The following SORT1 variants were observed in gnomAD, a reference collection of about 807,000 sequenced individuals.
SORT1 encodes the protein sortilin 1.
Under a neutral mutation model 101.7 loss-of-function variants are expected in SORT1, and 39 were observed. The observed-to-expected ratio is 0.38, with a 90% CI of 0.30 to 0.50. The LOEUF (loss-of-function observed/expected upper bound fraction) is 0.50, where lower values mean the gene tolerates loss of function less well. Ranked by LOEUF, SORT1 falls within the 20% of genes least tolerant of loss-of-function variation. The pLI is 0.90. For missense variants in SORT1, 878 were observed against 1,040.4 expected (o/e 0.84, Z 2.15); for synonymous variants, 396 against 393.7 (o/e 1.01, Z -0.07).
At chr1:109,317,038 G>A in intron 16 of SORT1, 80 bp from the exon 17 acceptor site, 1 of 939,726 alleles carries the variant, frequency 1.1e-6, no homozygotes, top group Non-Finnish European at 1.7e-6. Flanking sequence ...AACAAGATTT[G>A]AAAAGCTGCC....
At position 109,364,164 on chromosome 1, in the gene SORT1, G is replaced by A. The variant is rs550014250; in HGVS notation, c.440+3244C>T. Reference sequence around the variant, plus strand: ...TACTATATCAGAAACAAATAGAATTGCACTCTAGTAAAGTATGTCAGGAAA... The same window carrying A: ...TACTATATCAGAAACAAATAGAATTACACTCTAGTAAAGTATGTCAGGAAA... On this transcript the variant is annotated intron_variant, in intron 3 of 19. Coordinates refer to ENST00000256637, the MANE Select transcript of SORT1 (RefSeq NM_002959.7). Among the ~76,000 whole-genome samples the A allele has an allele frequency of 1.1e-3, 167 of 152,278 alleles. 1 individual carries two copies. The highest frequency in any genetic ancestry group is 3.9e-3 in the African/African-American group (161 of 41,562).
intron 1 of SORT1, among the ~76,000 whole-genome samples, chr1:109,383,336 T>C (rs1652378427): frequency 6.6e-6 from 1 of 152,210 alleles, no homozygotes; most frequent in Admixed American, 6.5e-5. Flanking sequence ...TCTGCATGCC[T>C]ACCATGTGCT....
At position 109,314,869 on chromosome 1, in the gene SORT1, G is replaced by C. The variant is rs1046294736; in HGVS notation, c.2251-91C>G. The C allele has an allele frequency of 8.8e-6, 6 of 684,866 alleles. No homozygotes were observed. In the Middle Eastern group the frequency reaches 1.2e-3, roughly 141 times the overall value. 42.4% of individuals were successfully genotyped at this position (684,866 alleles called of 1,614,324 possible). Reference sequence around the variant, plus strand: ...AGCCACTCATTCCCCTCATCTCTTTGTGAATGATCTGCAGTCCTGATGCGC... The same window carrying C: ...AGCCACTCATTCCCCTCATCTCTTTCTGAATGATCTGCAGTCCTGATGCGC... On this transcript the variant is annotated intron_variant, in intron 17 of 19. Transcript: ENST00000256637.
intron 1 of SORT1, among the ~76,000 whole-genome samples, chr1:109,383,338 C>G (rs1652378542): frequency 6.6e-6 from 1 of 152,128 alleles, no homozygotes; most frequent in Admixed American, 6.6e-5. Flanking sequence ...TGCATGCCTA[C>G]CATGTGCTGT....
rs1223642061 is a variant in SORT1 at position 109,347,151 on chromosome 1, T to TGAAA, written c.832+331_832+332insTTTC. Among the ~76,000 whole-genome samples, 3 of 152,270 alleles carry TGAAA rather than the reference T, an allele frequency of 2.0e-5. No individual in the cohort carries two copies. In the East Asian group the frequency reaches 5.8e-4, roughly 29 times the overall value. On this transcript the variant is annotated intron_variant, in intron 7 of 19. Transcript: ENST00000256637. Reference sequence around the variant, plus strand: ...TTGTGTCAGAGTTTGGGAAGCCAGCTGCTTCTGCAAACACAAACACAACCC... The same window carrying TGAAA: ...TTGTGTCAGAGTTTGGGAAGCCAGCTGAAAGCTTCTGCAAACACAAACACAACCC...
chr1:109,392,969 G>A (rs1652999352), intron 1 of SORT1: 7 of 985,358 alleles, frequency 7.1e-6, no homozygotes, highest in Non-Finnish European at 7.2e-6. Flanking sequence ...GATGAAGAGA[G>A]GCCAAGTATT....
intron 11 of SORT1, among the ~76,000 whole-genome samples, chr1:109,330,836 C>T (rs1416240406): frequency 6.6e-6 from 1 of 151,966 alleles, no homozygotes; most frequent in Non-Finnish European, 1.5e-5. Flanking sequence ...CTATGAACAA[C>T]TATACATCAA....
intron 13 of SORT1, among the ~76,000 whole-genome samples, chr1:109,325,391 GCCA>G (rs1647935772): frequency 6.6e-6 from 1 of 151,808 alleles, no homozygotes; most frequent in Non-Finnish European, 1.5e-5. Context: ...ACAGGAACGT[GCCA>G]CCACACCAGC....
At chr1:109,323,998 G>A (rs1210923830) in intron 14 of SORT1, among the ~76,000 whole-genome samples, 12 of 152,192 alleles carry the variant, frequency 7.9e-5, no homozygotes, top group Non-Finnish European at 1.2e-4. Flanking sequence ...AAATCAACAC[G>A]CTGAGGAAAT....
rs1250597168 is a variant in SORT1 at position 109,311,100 on chromosome 1, T to A, written c.*2943A>T. ...CTCCAAAGGCTTTTATTCTTTGAAA[T>A]AGAGTTGCCATTGAATTAAAAGCCT... On this transcript the variant is annotated 3_prime_UTR_variant, in exon 20 of 20. Transcript: ENST00000256637. 6.6e-6 allele frequency: 1 copy of A among 152,184 alleles called. No individual in the cohort carries two copies. The highest frequency in any genetic ancestry group is 1.5e-5 in the Non-Finnish European group (1 of 68,038). 9.4% of individuals were successfully genotyped at this position (152,184 alleles called of 1,614,324 possible).
chr1:109,321,061 CGAGG>C (rs1466106432), intron 15 of SORT1, among the ~76,000 whole-genome samples: 1 of 152,092 alleles, frequency 6.6e-6, no homozygotes, highest in Non-Finnish European at 1.5e-5. Context: ...CTCTCTGTTG[CGAGG>C]TTAAATGTAA....
At chr1:109,327,662 A>T in intron 11 of SORT1, 61 bp from the exon 12 acceptor site, 1 of 1,133,022 alleles carries the variant, frequency 8.8e-7, no homozygotes. Flanking sequence ...TTCTTTAATC[A>T]TTTCACAAAA....
chr1:109,339,051 G>T lies in SORT1; in HGVS notation c.1264+1673C>A, dbSNP rs58360973. Among the ~76,000 whole-genome samples the T allele has an allele frequency of 3.2e-3, 491 of 152,094 alleles. 4 individuals carry two copies. The highest frequency in any genetic ancestry group is 0.011 in the African/African-American group (453 of 41,478). On this transcript the variant is annotated intron_variant, in intron 10 of 19. Coordinates refer to ENST00000256637, the MANE Select transcript of SORT1 (RefSeq NM_002959.7). ...CACCACCACGCCCAGCTAATTTTTTGTATTTTTAGTAGAGACGGGGTTTCG... is the reference window on the plus strand; with the variant it reads ...CACCACCACGCCCAGCTAATTTTTTTTATTTTTAGTAGAGACGGGGTTTCG...
At chr1:109,396,159 C>T (rs1653166745) in intron 1 of SORT1, among the ~76,000 whole-genome samples, 1 of 152,030 alleles carries the variant, frequency 6.6e-6, no homozygotes, top group Non-Finnish European at 1.5e-5. Flanking sequence ...ACTCAGGAGG[C>T]TGAGGTAAGA....
At chr1:109,380,747 C>T (rs1001870486) in intron 1 of SORT1, among the ~76,000 whole-genome samples, 2 of 124,568 alleles carry the variant, frequency 1.6e-5, no homozygotes, top group Admixed American at 2.1e-4. Context: ...GAGGCCAAGG[C>T]GGGAGGATCA....
At chr1:109,373,454 G>A (rs1234722323) in intron 1 of SORT1, among the ~76,000 whole-genome samples, 1 of 152,192 alleles carries the variant, frequency 6.6e-6, no homozygotes, top group African/African-American at 2.4e-5. Context: ...AACTACCTGA[G>A]GCCAGGGAAA....
At chr1:109,344,389 A>G (rs1262821535) in intron 8 of SORT1, among the ~76,000 whole-genome samples, 1 of 152,222 alleles carries the variant, frequency 6.6e-6, no homozygotes, top group Non-Finnish European at 1.5e-5. Flanking sequence ...TACAAAGGCC[A>G]CATAAGGTCT....
chr1:109,321,782 A>G (rs528482376), intron 15 of SORT1, among the ~76,000 whole-genome samples: 1 of 152,330 alleles, frequency 6.6e-6, no homozygotes, highest in East Asian at 1.9e-4. Flanking sequence ...ACAAGTTCCA[A>G]AAGATTATCA....
Position 109,355,238 on chromosome 1 carries a change from A to G in SORT1, c.543+129T>C, listed in dbSNP as rs1275518934. 4.7e-6 allele frequency: 3 copies of G among 635,528 alleles called. No individual in the cohort carries two copies. The African/African-American group carries it at 5.6e-5, about 12-fold the overall frequency. The allele number at this position is 635,528 out of a possible 1,614,324, so 39.4% of individuals were successfully genotyped here. ...CCTTAAAAAATTGTGTTTAATTTTAAAATATAAATATAGCAATACTAAACT... is the reference window on the plus strand; with the variant it reads ...CCTTAAAAAATTGTGTTTAATTTTAGAATATAAATATAGCAATACTAAACT... On this transcript the variant is annotated intron_variant, in intron 4 of 19. Coordinates refer to ENST00000256637, the MANE Select transcript of SORT1 (RefSeq NM_002959.7).
Sources: gnomAD v4.1 joint callset for allele counts (sites outside exome capture counted in the v4.1 genomes callset) on GRCh38, gnomAD v4.1.1 for gene constraint, MANE v1.5 for transcripts, NCBI Gene and HGNC (gene_info 2026-07-23, HGNC 2026-07-21) for gene names.